Variants in CACNG7 observed in about 807,000 individuals in gnomAD.
CACNG7 encodes voltage-dependent calcium channel gamma-7 subunit.
Under a neutral mutation model 26.3 loss-of-function variants are expected in CACNG7, and 9 were observed. The ratio of observed to expected loss-of-function variants is 0.34; its 90% CI spans 0.21 to 0.60. The LOEUF (loss-of-function observed/expected upper bound fraction) is 0.60. Ranked by LOEUF, CACNG7 falls within the 20% of genes least tolerant of loss-of-function variation. The pLI, the probability that CACNG7 is intolerant of heterozygous loss-of-function variation, is 0.81. For missense variants in CACNG7, 297 were observed against 380.4 expected (o/e 0.78, Z 1.82); for synonymous variants, 170 against 157.0 (o/e 1.08, Z -0.62).
chr19:53,927,817 A>G (rs67751111), intron 4 of CACNG7, among the ~76,000 whole-genome samples: 28,972 of 149,814 alleles, frequency 0.19, 3,181 homozygotes, highest in African/African-American at 0.29. Flanking sequence ...CAGCTTGGGC[A>G]ACAAGAGCGA....
intron 4 of CACNG7, among the ~76,000 whole-genome samples, chr19:53,926,969 C>CT (rs924928721): frequency 7.3e-5 from 11 of 151,072 alleles, no homozygotes; most frequent in African/African-American, 1.5e-4. Flanking sequence ...TTCTTTTTTT[C>CT]TTTTTTTTTG....
intron 4 of CACNG7, among the ~76,000 whole-genome samples, chr19:53,933,547 C>A: frequency 6.6e-6 from 1 of 151,984 alleles, no homozygotes; most frequent in Non-Finnish European, 1.5e-5. Context: ...GGTGATCCAC[C>A]CGCCTCAGCC....
chr19:53,920,012 T>G (rs1162607710), intron 4 of CACNG7, among the ~76,000 whole-genome samples: 1 of 108,242 alleles, frequency 9.2e-6, no homozygotes, highest in Non-Finnish European at 1.8e-5. Context: ...TTGCCCCAGG[T>G]CTGGTCATTG....
chr19:53,941,338 C>G (rs893373156), intron 4 of CACNG7, 132 bp from the exon 5 acceptor site: 136 of 1,028,262 alleles, frequency 1.3e-4, no homozygotes, highest in Non-Finnish European at 1.7e-4. Flanking sequence ...CAACCAAGGC[C>G]CAGCATACAA....
chr19:53,920,988 G>C (rs377366287), intron 4 of CACNG7, among the ~76,000 whole-genome samples: 1,703 of 40,030 alleles, frequency 0.043, 81 homozygotes, highest in Middle Eastern at 0.12. Flanking sequence ...CATTGGTGGA[G>C]TTGCCCCAGG....
chr19:53,921,915 TATTGGTGGAGTTGTCCCCAGGTCTGGTC>T (rs1555810656), intron 4 of CACNG7, among the ~76,000 whole-genome samples: 1 of 84,470 alleles, frequency 1.2e-5, no homozygotes, highest in Non-Finnish European at 2.1e-5. Flanking sequence ...CCAGGTCTGG[TATTGGTGGAGTTGTCCCCAGGTCTGGTC>T]ATTGGTGGAG....
At chr19:53,927,005 G>T (rs1349316267) in intron 4 of CACNG7, among the ~76,000 whole-genome samples, 1 of 151,946 alleles carries the variant, frequency 6.6e-6, no homozygotes, top group Admixed American at 6.6e-5. Context: ...TTGTCACCCA[G>T]GCTGGAGTAC....
chr19:53,938,642 G>A (rs1394391529), intron 4 of CACNG7, among the ~76,000 whole-genome samples: 2 of 151,998 alleles, frequency 1.3e-5, no homozygotes, highest in Non-Finnish European at 2.9e-5. Context: ...TAAAATTAAT[G>A]TACTTTAAAA....
At chr19:53,929,635 T>G (rs2069058027) in intron 4 of CACNG7, among the ~76,000 whole-genome samples, 2 of 152,008 alleles carry the variant, frequency 1.3e-5, no homozygotes. Flanking sequence ...TTTTGTATTT[T>G]TAGTAGACAG....
At chr19:53,914,449 C>T in intron 2 of CACNG7, 51 bp from the exon 3 acceptor site, 5 of 1,549,480 alleles carry the variant, frequency 3.2e-6, no homozygotes, top group Non-Finnish European at 4.4e-6. Flanking sequence ...CCCAGCCTCT[C>T]TAGAGCTTAG....
At chr19:53,916,421 C>T (rs1030330139) in intron 4 of CACNG7, among the ~76,000 whole-genome samples, 1 of 150,132 alleles carries the variant, frequency 6.7e-6, no homozygotes, top group Admixed American at 6.6e-5. Context: ...GCCCAAGATA[C>T]TAGTGTAAAC....
intron 3 of CACNG7, 71 bp downstream of exon 3, chr19:53,914,657 G>C (rs1056229394): frequency 7.4e-7 from 1 of 1,357,692 alleles, no homozygotes; most frequent in South Asian, 1.2e-5. Context: ...CCTGGGAGGG[G>C]GCAGGACTAG....
At chr19:53,932,720 T>G (rs2069080818) in intron 4 of CACNG7, among the ~76,000 whole-genome samples, 1 of 152,180 alleles carries the variant, frequency 6.6e-6, no homozygotes, top group Non-Finnish European at 1.5e-5. Context: ...GCCATTTATT[T>G]TTTTGAGAAA....
chr19:53,940,705 C>T lies in CACNG7; in HGVS notation c.425-765C>T, dbSNP rs538440876. On this transcript the variant is annotated intron_variant, in intron 4 of 5. Transcript: ENST00000391767. This position sits in a 1 kb window ranked among gnomAD's most constrained non-coding sequence, Gnocchi z 4.1. ...GGACCAGCTCTATTTTCCCTCCTTC[C>T]GAAACCTTTGCCCATGCTGTGCACT... 2.0e-4 allele frequency among the ~76,000 whole-genome samples: 31 copies of T among 152,160 alleles called. No individual in the cohort carries two copies. The highest frequency in any genetic ancestry group is 7.0e-4 in the African/African-American group (29 of 41,514).
In CACNG7 at chr19:53,912,921, T is replaced by C. The variant is rs768614648; in HGVS notation, c.90T>C (p.Thr30=). 8.1e-5 allele frequency: 130 copies of C among 1,614,008 alleles called. 1 individual carries two copies. The highest frequency in any genetic ancestry group is 1.0e-4 in the Non-Finnish European group (122 of 1,180,040). The part of the protein sequence containing the change: ...GLLLVGIAVS[T]DYWLYMEEGT... ...TCCTGGTAGGCATCGCGGTCAGCAC[T>C]GACTACTGGCTGTACATGGAAGAAG... is the stretch of plus-strand genomic sequence containing the variant. The change falls in exon 2 of 6, where the codon ACT becomes ACC. Residue 30 remains threonine (T), a synonymous_variant. Coordinates refer to ENST00000391767, the MANE Select transcript of CACNG7 (RefSeq NM_031896.5). The surrounding 1 kb of genome is among the most constrained non-coding windows in gnomAD (Gnocchi z 4.6).
At chr19:53,926,944 C>CCTTTT (rs1274250196) in intron 4 of CACNG7, among the ~76,000 whole-genome samples, 2 of 152,080 alleles carry the variant, frequency 1.3e-5, no homozygotes, top group Non-Finnish European at 2.9e-5. Context: ...GATGCTGAGA[C>CCTTTT]CTTTTCTTTC....
intron 4 of CACNG7, among the ~76,000 whole-genome samples, chr19:53,921,413 G>A (rs1462321026): frequency 6.7e-6 from 1 of 149,852 alleles, no homozygotes; most frequent in Non-Finnish European, 1.5e-5. Context: ...GGTCATTGGT[G>A]GAGTTGCCCC....
intron 4 of CACNG7, among the ~76,000 whole-genome samples, chr19:53,924,825 TC>T (rs1271439900): frequency 3.2e-5 from 4 of 124,714 alleles, no homozygotes; most frequent in Non-Finnish European, 4.9e-5. Context: ...CCAGGTCTGG[TC>T]ATTGGTGGAG....
chr19:53,922,387 G>C (rs572119561), intron 4 of CACNG7, among the ~76,000 whole-genome samples: 17 of 121,592 alleles, frequency 1.4e-4, no homozygotes, highest in African/African-American at 4.9e-4. Flanking sequence ...GTCATTGGTG[G>C]AGTTGTCCCC....
Sources: allele counts gnomAD v4.1 joint callset (sites outside exome capture counted in the v4.1 genomes callset), GRCh38; gene constraint gnomAD v4.1.1; non-coding constraint Gnocchi (gnomAD v3.1); transcripts MANE v1.5; gene names NCBI Gene and HGNC (gene_info 2026-07-23, HGNC 2026-07-21).